The following ITGBL1 variants were observed in gnomAD, a reference collection of about 807,000 sequenced individuals.
ITGBL1 encodes the protein integrin subunit beta like 1.
A neutral mutation model predicts 68.5 loss-of-function variants in ITGBL1; 51 were observed. That is an observed-to-expected ratio of 0.74 (90% CI 0.59 to 0.94). The LOEUF (loss-of-function observed/expected upper bound fraction) is 0.94. Ranked by LOEUF, ITGBL1 falls within the 40% of genes least tolerant of loss-of-function variation. ITGBL1 has a pLI of 0.00. For synonymous variants in ITGBL1, 209 were observed against 227.3 expected, an observed-to-expected ratio of 0.92 and a Z score of 0.72; for missense variants, 649 against 647.4, an observed-to-expected ratio of 1.00 and a Z score of -0.03.
At chr13:101,495,957 A>G (rs7327657) in intron 2 of ITGBL1, among the ~76,000 whole-genome samples, 78,126 of 151,966 alleles carry the variant, frequency 0.51, 20,524 homozygotes, top group Middle Eastern at 0.58. Flanking sequence ...AATATAGTGA[A>G]ACATTTTGAA....
At position 101,689,011 on chromosome 13, in the gene ITGBL1, C is replaced by T. The variant is rs940176957; in HGVS notation, c.1016-3574C>T. On this transcript the variant is annotated intron_variant, in intron 7 of 10. Transcript: ENST00000376180. ...GCCAGGAGTTCAAAACCAGCCTGGCCGACAGGTGTAATCCTGTCTCTACTA... is the reference window on the plus strand; with the variant it reads ...GCCAGGAGTTCAAAACCAGCCTGGCTGACAGGTGTAATCCTGTCTCTACTA... Among the ~76,000 whole-genome samples the T allele has an allele frequency of 9.8e-4, 145 of 148,564 alleles. 1 individual carries two copies. Among genetic ancestry groups the T allele is most frequent in the African/African-American group, 3.3e-3 (131 of 40,304 alleles).
chr13:101,572,927 A>G (rs1163386055), intron 3 of ITGBL1, among the ~76,000 whole-genome samples: 1 of 152,120 alleles, frequency 6.6e-6, no homozygotes, highest in South Asian at 2.1e-4. Flanking sequence ...TAATATTTGT[A>G]TAGGTTTATA....
intron 2 of ITGBL1, among the ~76,000 whole-genome samples, chr13:101,518,342 A>G (rs988886456): frequency 6.6e-6 from 1 of 152,208 alleles, no homozygotes; most frequent in Non-Finnish European, 1.5e-5. Flanking sequence ...TACATAATAC[A>G]TGAAGTGTTC....
At chr13:101,475,177 A>G (rs1026060697) in intron 2 of ITGBL1, among the ~76,000 whole-genome samples, 8 of 152,178 alleles carry the variant, frequency 5.3e-5, no homozygotes, top group Admixed American at 5.2e-4. Context: ...GGGGAAGATC[A>G]GTGAAATTCA....
intron 7 of ITGBL1, among the ~76,000 whole-genome samples, chr13:101,657,378 C>T (rs2032958829): frequency 6.6e-6 from 1 of 152,122 alleles, no homozygotes; most frequent in South Asian, 2.1e-4. Context: ...GATATGCTAG[C>T]TTTAGGTAAA....
chr13:101,489,328 G>A (rs191005124), intron 2 of ITGBL1, among the ~76,000 whole-genome samples: 379 of 152,236 alleles, frequency 2.5e-3, no homozygotes, highest in Non-Finnish European at 4.1e-3. Flanking sequence ...TGATTCAGGT[G>A]GTGTTAAAAA....
At chr13:101,598,331 C>T in intron 7 of ITGBL1, 32 bp downstream of exon 7, 4 of 1,485,286 alleles carry the variant, frequency 2.7e-6, no homozygotes, top group Non-Finnish European at 3.6e-6. Flanking sequence ...TTCCCACGGC[C>T]TCTCCATCAC....
chr13:101,653,855 C>CTTTTTTTTTTTTT (rs1336554587), intron 7 of ITGBL1, among the ~76,000 whole-genome samples: 2 of 104,726 alleles, frequency 1.9e-5, no homozygotes, highest in African/African-American at 3.2e-5. Context: ...TGCCCAGCTA[C>CTTTTTTTTTTTTT]TTTTTTTGTT....
At chr13:101,646,314 GT>G (rs2032558106) in intron 7 of ITGBL1, among the ~76,000 whole-genome samples, 1 of 146,076 alleles carries the variant, frequency 6.8e-6, no homozygotes, top group Non-Finnish European at 1.5e-5. Context: ...TTGTATTTCA[GT>G]TAAAAAAAAA....
At chr13:101,473,099 A>T (rs999182721) in intron 2 of ITGBL1, among the ~76,000 whole-genome samples, 1 of 152,194 alleles carries the variant, frequency 6.6e-6, no homozygotes, top group Non-Finnish European at 1.5e-5. Flanking sequence ...GTGGAACAAG[A>T]TAGCCAACTA....
At chr13:101,600,904 T>TG (rs1333532499) in intron 7 of ITGBL1, among the ~76,000 whole-genome samples, 1 of 152,192 alleles carries the variant, frequency 6.6e-6, no homozygotes, top group African/African-American at 2.4e-5. Context: ...ATTCTCTTTT[T>TG]TTGTTGTGTC....
intron 2 of ITGBL1, among the ~76,000 whole-genome samples, chr13:101,533,350 AG>A (rs1252157364): frequency 6.6e-6 from 1 of 152,216 alleles, no homozygotes; most frequent in Non-Finnish European, 1.5e-5. Flanking sequence ...AAAATGATTC[AG>A]GTAATGCTTT....
At chr13:101,545,050 C>T (rs191785457) in intron 2 of ITGBL1, among the ~76,000 whole-genome samples, 9 of 152,288 alleles carry the variant, frequency 5.9e-5, no homozygotes, top group Middle Eastern at 3.4e-3. Context: ...GTGCGCTGCA[C>T]CCACTGTCCT....
chr13:101,484,058 G>T (rs1028142658), intron 2 of ITGBL1, among the ~76,000 whole-genome samples: 55 of 149,382 alleles, frequency 3.7e-4, no homozygotes, highest in African/African-American at 9.6e-4. Flanking sequence ...GGCATATTTG[G>T]TTTTTTTTTC....
rs199659168 is a variant in ITGBL1 at position 101,526,134 on chromosome 13, T to TTTC, written c.317-41544_317-41542dup. Among the ~76,000 whole-genome samples the TTTC allele has an allele frequency of 7.3e-4, 103 of 140,326 alleles. 1 individual carries two copies. Among genetic ancestry groups the TTTC allele is most frequent in the East Asian group, 1.0e-3 (5 of 4,884 alleles). 92.1% of individuals were successfully genotyped at this position (140,326 alleles called of 152,430 possible). On this transcript the variant is annotated intron_variant, in intron 2 of 10. Transcript: ENST00000376180. ...TAAGAACTCTGGAGCCAAAGGCTAG[T>TTTC]TTCTTCTTCTTCTTCTTCTTCTTTT...
chr13:101,711,262 C>T (rs2034453540), intron 9 of ITGBL1: 1 of 152,238 alleles, frequency 6.6e-6, no homozygotes, highest in Admixed American at 6.5e-5. Context: ...CTTACAGATG[C>T]TGTTGTGTGA....
intron 2 of ITGBL1, among the ~76,000 whole-genome samples, chr13:101,519,218 T>C (rs1452002128): frequency 1.3e-5 from 2 of 152,122 alleles, no homozygotes; most frequent in African/African-American, 4.8e-5. Context: ...ATGTTTTTGA[T>C]ATGAGAATAC....
intron 2 of ITGBL1, among the ~76,000 whole-genome samples, chr13:101,535,886 G>A (rs967181796): frequency 1.1e-4 from 16 of 152,022 alleles, no homozygotes; most frequent in African/African-American, 3.6e-4. Context: ...ACTATAAGTT[G>A]AATATTGATA....
chr13:101,651,154 T>C (rs1365614328), intron 7 of ITGBL1, among the ~76,000 whole-genome samples: 2 of 152,192 alleles, frequency 1.3e-5, no homozygotes, highest in African/African-American at 2.4e-5. Context: ...TTCCTTTAGG[T>C]ATATACCCAG....
Sources: gnomAD v4.1 joint callset for allele counts (sites outside exome capture counted in the v4.1 genomes callset) on GRCh38, gnomAD v4.1.1 for gene constraint, MANE v1.5 for transcripts, NCBI Gene and HGNC (gene_info 2026-07-23, HGNC 2026-07-21) for gene names.